The following COL4A3 variants were observed in gnomAD, a reference collection of about 807,000 sequenced individuals.
COL4A3 encodes the protein collagen alpha-3(IV) chain.
In COL4A3, 135 loss-of-function variants were observed where a neutral mutation model predicts 217.4. That is an observed-to-expected ratio of 0.62 (90% CI 0.54 to 0.72). The LOEUF is 0.72. Ranked by LOEUF, COL4A3 falls within the 30% of genes least tolerant of loss-of-function variation. The pLI is 0.00. For synonymous variants in COL4A3, 690 were observed against 736.3 expected (o/e 0.94, Z 1.02); for missense variants, 1,868 against 2,119.9 (o/e 0.88, Z 2.33).
chr2:227,311,096 T>C, intron 51 of COL4A3, 148 bp downstream of exon 51: 1 of 737,006 alleles, frequency 1.4e-6, no homozygotes, highest in South Asian at 1.6e-5. Flanking sequence ...CTAAACACAT[T>C]TAATATTTGT....
chr2:227,311,709 C>A (rs2073747965), intron 51 of COL4A3, 77 bp from the exon 52 acceptor site: 2 of 1,429,646 alleles, frequency 1.4e-6, no homozygotes, highest in Admixed American at 3.6e-5. Context: ...CAAAAATATT[C>A]ATTAATAAAA....
At chr2:227,294,358 C>T (rs2072926076) in intron 38 of COL4A3, 132 bp from the exon 39 acceptor site, 2 of 769,720 alleles carry the variant, frequency 2.6e-6, no homozygotes, top group African/African-American at 1.7e-5. Flanking sequence ...CATGGGGTGA[C>T]CTTGCAACAA....
intron 28 of COL4A3, among the ~76,000 whole-genome samples, chr2:227,278,256 CA>C (rs1210823308): frequency 6.6e-6 from 1 of 151,654 alleles, no homozygotes. Context: ...GGAAACACTC[CA>C]AAAAAATCTA....
intron 51 of COL4A3, among the ~76,000 whole-genome samples, chr2:227,311,380 C>CTTTTTTTTTTTTTTTT (rs11286889): frequency 7.1e-6 from 1 of 141,744 alleles, no homozygotes; most frequent in Non-Finnish European, 1.6e-5. Flanking sequence ...AATTTCTCTC[C>CTTTTTTTTTTTTTTTT]TTTTTTTTTT....
chr2:227,239,025 A>G (rs2068862686), intron 2 of COL4A3, among the ~76,000 whole-genome samples: 1 of 152,198 alleles, frequency 6.6e-6, no homozygotes, highest in Admixed American at 6.5e-5. Flanking sequence ...CACACAATGT[A>G]AAATAGCTGA....
At chr2:227,219,877 G>C (rs1195204434) in intron 1 of COL4A3, among the ~76,000 whole-genome samples, 1 of 151,994 alleles carries the variant, frequency 6.6e-6, no homozygotes, top group African/African-American at 2.4e-5. Context: ...GTTTGCATTT[G>C]TAACCCCAGT....
rs1559896717 is a variant in COL4A3, at chr2:227,282,275, A to ATATATATATATATATATATATATATAT, written c.2489-90_2489-89insTATATATATATATATATATATATATAT. 2.7e-5 allele frequency: 9 copies of ATATATATATATATATATATATATATAT among 334,824 alleles called. No individual in the cohort carries two copies. The highest frequency in any genetic ancestry group is 2.3e-4 in the African/African-American group (9 of 39,810). 20.7% of individuals were successfully genotyped at this position (334,824 alleles called of 1,614,324 possible). A position where few individuals can be genotyped will look rare whatever the true frequency, so the allele number is the denominator to read the frequency against. ...AGACAGAGGGAGATTCCATCTTAAA[A>ATATATATATATATATATATATATATAT]ATATATATATATATATATATATATA... On this transcript the variant is annotated intron_variant, in intron 31 of 51. Transcript: ENST00000396578. This position sits in a 1 kb window ranked among gnomAD's most constrained non-coding sequence, Gnocchi z 4.4.
At position 227,289,893 on chromosome 2, in the gene COL4A3, G is replaced by A. The variant is rs144441960; in HGVS notation, c.2981-106G>A. The A allele has an allele frequency of 8.1e-3, 8,944 of 1,101,948 alleles. 69 individuals are homozygous for A. Among genetic ancestry groups the A allele is most frequent in the South Asian group, 8.3e-3 (623 of 75,444 alleles). 68.3% of individuals were successfully genotyped at this position (1,101,948 alleles called of 1,614,324 possible). The stretch of plus-strand genomic sequence containing the variant: ...GCTAGACAAGTGCCCAAACCAGCCG[G>A]TCTGGCTGTTCTGCATTCATTCATG... On this transcript the variant is annotated intron_variant, in intron 35 of 51. Coordinates refer to ENST00000396578, the MANE Select transcript of COL4A3 (RefSeq NM_000091.5).
chr2:227,254,827 G>A, intron 15 of COL4A3, 112 bp downstream of exon 15: 2 of 810,756 alleles, frequency 2.5e-6, no homozygotes, highest in Non-Finnish European at 4.3e-6. Flanking sequence ...AAAAATTTCT[G>A]TTCTTTAAGA....
chr2:227,190,727 C>T (rs566368141), intron 1 of COL4A3, among the ~76,000 whole-genome samples: 17 of 152,118 alleles, frequency 1.1e-4, no homozygotes, highest in South Asian at 8.3e-4. Flanking sequence ...GCCAACATGG[C>T]GAAACCTCGT....
chr2:227,215,431 C>T (rs2067489244), intron 1 of COL4A3, among the ~76,000 whole-genome samples: 1 of 151,944 alleles, frequency 6.6e-6, no homozygotes, highest in African/African-American at 2.4e-5. Flanking sequence ...ATAACCACCT[C>T]CGTATGTGCT....
chr2:227,281,589 C>G (rs1005795581), intron 31 of COL4A3: 3 of 155,070 alleles, frequency 1.9e-5, no homozygotes, highest in Non-Finnish European at 4.3e-5. Context: ...ATTTAGAAAT[C>G]AGTTAATGTC....
At chr2:227,178,539 A>AT (rs11417568) in intron 1 of COL4A3, among the ~76,000 whole-genome samples, 26,242 of 151,732 alleles carry the variant, frequency 0.17, 2,410 homozygotes, top group Admixed American at 0.26. Flanking sequence ...TCATTATTTT[A>AT]TTTTATTTTT....
chr2:227,248,763 C>T (rs886967373), intron 9 of COL4A3, among the ~76,000 whole-genome samples: 3 of 152,210 alleles, frequency 2.0e-5, no homozygotes, highest in Admixed American at 1.3e-4. Context: ...GTATGTTTTT[C>T]GTCCTCTTCT....
chr2:227,291,765 A>G lies in COL4A3; in HGVS notation c.3210+879A>G, dbSNP rs578018201. ...TGCTTAATCTTGTTTCAATGTTTTC[A>G]GTGTTTGTGCTTTGTCAAATTGAGG... On this transcript the variant is annotated intron_variant, in intron 37 of 51. Coordinates refer to ENST00000396578, the MANE Select transcript of COL4A3 (RefSeq NM_000091.5). 3.3e-5 allele frequency among the ~76,000 whole-genome samples: 5 copies of G among 152,312 alleles called. No individual in the cohort carries two copies. In the South Asian group the frequency reaches 1.0e-3, roughly 32 times the overall value.
intron 1 of COL4A3, among the ~76,000 whole-genome samples, chr2:227,225,305 T>G (rs1281118683): frequency 6.6e-6 from 1 of 152,298 alleles, no homozygotes; most frequent in Non-Finnish European, 1.5e-5. Flanking sequence ...CGCCTTAATA[T>G]GCGTCTCCAC....
chr2:227,294,383 G>T, intron 38 of COL4A3, 107 bp from the exon 39 acceptor site: 2 of 836,852 alleles, frequency 2.4e-6, no homozygotes. Flanking sequence ...GCTTCCTTAA[G>T]GCCAGCGTGA....
rs777485792 is a variant in COL4A3, at chr2:227,279,815, A to G, written c.2148A>G (p.Thr716=). The change falls in exon 29 of 52, where the codon ACA becomes ACG. Residue 716 remains threonine, a synonymous_variant. Coordinates refer to ENST00000396578, the MANE Select transcript of COL4A3 (RefSeq NM_000091.5). The part of the protein sequence containing the change: ...GPKGDQGFPG[T]KGSLGCPGKM... Reference sequence around the variant, plus strand: ...TAGGAGACCAAGGTTTTCCAGGTACAAAAGGATCACTGGGTTGTCCTGGAA... The same window carrying G: ...TAGGAGACCAAGGTTTTCCAGGTACGAAAGGATCACTGGGTTGTCCTGGAA... 6 of 1,609,578 alleles carry G rather than the reference A, an allele frequency of 3.7e-6. No homozygotes were observed. Among genetic ancestry groups the G allele is most frequent in the Non-Finnish European group, 5.1e-6 (6 of 1,178,284 alleles).
In COL4A3 at chr2:227,260,012, G is replaced by A. The variant is rs370130292; in HGVS notation, c.1114+135G>A. 9 of 778,428 alleles carry A rather than the reference G, an allele frequency of 1.2e-5. No homozygotes were observed. The African/African-American group carries it at 1.4e-4, about 12-fold the overall frequency. The allele number at this position is 778,428 out of a possible 1,614,324, so 48.2% of individuals were successfully genotyped here. Reference sequence around the variant, plus strand: ...GAGATCTCTTCATTTTCATAAAGGTGTTATTTTTTGATGTCTCCTGCTCTT... The same window carrying A: ...GAGATCTCTTCATTTTCATAAAGGTATTATTTTTTGATGTCTCCTGCTCTT... On this transcript the variant is annotated intron_variant, in intron 19 of 51. Transcript: ENST00000396578.
Sources: gnomAD v4.1 joint callset for allele counts (sites outside exome capture counted in the v4.1 genomes callset) on GRCh38, gnomAD v4.1.1 for gene constraint, Gnocchi (gnomAD v3.1) non-coding constraint, MANE v1.5 for transcripts, NCBI Gene and HGNC (gene_info 2026-07-23, HGNC 2026-07-21) for gene names.